Variants in AKNAD1 observed in about 807,000 individuals in gnomAD.
AKNAD1 encodes protein AKNAD1.
A neutral mutation model predicts 90.8 loss-of-function variants in AKNAD1; 67 were observed. The observed-to-expected ratio is 0.74, with a 90% CI of 0.61 to 0.90. The LOEUF is 0.90. Among genes scored for constraint, AKNAD1 ranks in the 40% least tolerant of loss-of-function variants. The pLI, the probability that AKNAD1 is intolerant of heterozygous loss-of-function variation, is 0.00. For missense variants in AKNAD1, 957 were observed against 975.4 expected (o/e 0.98, Z 0.25); for synonymous variants, 327 against 341.4 (o/e 0.96, Z 0.46).
chr1:108,846,293 G>A (rs770261924), intron 5 of AKNAD1, among the ~76,000 whole-genome samples: 13 of 152,020 alleles, frequency 8.6e-5, no homozygotes, highest in Non-Finnish European at 1.6e-4. Flanking sequence ...CGGTCAGCAG[G>A]GATCCTCACA....
chr1:108,817,655 C>T (rs1163968437), intron 14 of AKNAD1, among the ~76,000 whole-genome samples: 1 of 151,408 alleles, frequency 6.6e-6, no homozygotes, highest in Non-Finnish European at 1.5e-5. Context: ...GCGCCCGCCA[C>T]CACGCCCGGC....
intron 2 of AKNAD1, 70 bp from the exon 3 acceptor site, chr1:108,849,646 C>T (rs1664795877): frequency 8.9e-7 from 1 of 1,124,708 alleles, no homozygotes; most frequent in Non-Finnish European, 1.3e-6. Context: ...CAGAATGACC[C>T]AACATGTTCT....
chr1:108,832,211 C>CTTTT (rs35868464), intron 9 of AKNAD1, among the ~76,000 whole-genome samples: 48 of 91,670 alleles, frequency 5.2e-4, no homozygotes, highest in African/African-American at 1.2e-3. Flanking sequence ...ATGCTGTGTT[C>CTTTT]TTTTTTTTTT....
intron 5 of AKNAD1, among the ~76,000 whole-genome samples, chr1:108,848,496 G>A (rs560058148): frequency 6.6e-6 from 1 of 152,222 alleles, no homozygotes; most frequent in Admixed American, 6.5e-5. Flanking sequence ...CTCCCGTGGT[G>A]TCAGATTAAT....
At chr1:108,848,106 A>G (rs1277200) in intron 5 of AKNAD1, among the ~76,000 whole-genome samples, 136,105 of 152,156 alleles carry the variant, frequency 0.89, 60,977 homozygotes, top group South Asian at 0.93. Flanking sequence ...TTGTGCCTAC[A>G]TCAGAACTTC....
chr1:108,848,864 G>A (rs1149142), intron 4 of AKNAD1, 48 bp downstream of exon 4: 1,596,884 of 1,599,994 alleles, frequency 1, 796,939 homozygotes, highest in East Asian at 1. Flanking sequence ...TTTCTCATGT[G>A]TGAATTTGGT....
At chr1:108,820,333 T>C (rs1235582973) in intron 14 of AKNAD1, among the ~76,000 whole-genome samples, 1 of 152,228 alleles carries the variant, frequency 6.6e-6, no homozygotes, top group Non-Finnish European at 1.5e-5. Context: ...GTGGCTGACT[T>C]TGTCCTGTGT....
At chr1:108,854,903 CT>C (rs1312612028) in intron 1 of AKNAD1, among the ~76,000 whole-genome samples, 1 of 152,088 alleles carries the variant, frequency 6.6e-6, no homozygotes, top group African/African-American at 2.4e-5. Context: ...TCTCGGTTGC[CT>C]TTTCTGAGAA....
At chr1:108,856,538 A>AGG (rs1665046446) in intron 1 of AKNAD1, among the ~76,000 whole-genome samples, 1 of 146,528 alleles carries the variant, frequency 6.8e-6, no homozygotes, top group Non-Finnish European at 1.5e-5. Flanking sequence ...TGTCTCTACA[A>AGG]AGAAAAAAAA....
chr1:108,827,108 C>G (rs1165126958), intron 11 of AKNAD1, 97 bp downstream of exon 11: 4 of 818,294 alleles, frequency 4.9e-6, no homozygotes, highest in Non-Finnish European at 6.2e-6. Context: ...GGGAAATGCT[C>G]TTGGAGTGGC....
intron 13 of AKNAD1, among the ~76,000 whole-genome samples, chr1:108,822,416 C>A (rs1192598724): frequency 6.6e-6 from 1 of 152,204 alleles, no homozygotes; most frequent in Non-Finnish European, 1.5e-5. Flanking sequence ...TGACAAGTGT[C>A]ACAGGCTGTA....
intron 10 of AKNAD1, among the ~76,000 whole-genome samples, chr1:108,827,628 C>G (rs1040378223): frequency 5.3e-5 from 8 of 150,184 alleles, no homozygotes; most frequent in Non-Finnish European, 8.9e-5. Context: ...TCCTGGCTAA[C>G]ACGGTGAAAC....
At chr1:108,854,005 A>C (rs1335466385) in intron 1 of AKNAD1, among the ~76,000 whole-genome samples, 1 of 152,114 alleles carries the variant, frequency 6.6e-6, no homozygotes, top group Non-Finnish European at 1.5e-5. Context: ...GCCAGTCTGC[A>C]GCCAAATGTC....
chr1:108,818,305 C>A (rs928130157), intron 14 of AKNAD1, among the ~76,000 whole-genome samples: 2 of 152,142 alleles, frequency 1.3e-5, no homozygotes, highest in African/African-American at 4.8e-5. Flanking sequence ...ATCCTTTCAT[C>A]CCTCTCCCCT....
At chr1:108,840,989 G>A (rs113082056) in intron 6 of AKNAD1, among the ~76,000 whole-genome samples, 3 of 151,994 alleles carry the variant, frequency 2.0e-5, no homozygotes, top group African/African-American at 4.8e-5. Flanking sequence ...TGGCCAACCC[G>A]GTGAAACCCC....
Position 108,852,119 on chromosome 1 carries a change from A to G in AKNAD1, c.546T>C (p.Asn182=). The change falls in exon 2 of 16, where the codon AAT becomes AAC. Residue 182 remains asparagine, a synonymous_variant. Coordinates refer to ENST00000370001, the MANE Select transcript of AKNAD1 (RefSeq NM_152763.5). ...CTGTCGTGGTGGCAGAACCAGGCTT[A>G]TTGCTGTTTTCACCATCCCTTTTCG... ...LNPKRDGENS[N]KPGSATTTEE... 1 of 1,614,100 alleles carries G rather than the reference A, an allele frequency of 6.2e-7. No homozygotes were observed. The highest frequency in any genetic ancestry group is 8.5e-7 in the Non-Finnish European group (1 of 1,180,020).
chr1:108,851,823 G>C lies in AKNAD1; in HGVS notation c.842C>G (p.Ala281Gly). The change falls in exon 2 of 16, where the codon GCA becomes GGA. Residue 281 changes from alanine to glycine, a missense_variant. Ala to Gly is a moderately conservative substitution (Grantham distance 60, BLOSUM62 0). Transcript: ENST00000370001. Reference protein sequence around the residue: ...PKNKIINKPLAIAKQASFSSK... With the variant: ...PKNKIINKPLGIAKQASFSSK... ...AGAAAAGCTGGCTTGTTTAGCTATTGCAAGTGGTTTATTAATTATCTTATT... is the reference window on the plus strand; with the variant it reads ...AGAAAAGCTGGCTTGTTTAGCTATTCCAAGTGGTTTATTAATTATCTTATT... The C allele has an allele frequency of 6.2e-7, 1 of 1,614,042 alleles. No individual in the cohort carries two copies. The highest frequency in any genetic ancestry group is 8.5e-7 in the Non-Finnish European group (1 of 1,179,974).
Position 108,816,148 on chromosome 1 carries a change from A to G in AKNAD1, c.*23T>C. On this transcript the variant is annotated 3_prime_UTR_variant, in exon 16 of 16. Coordinates refer to ENST00000370001, the MANE Select transcript of AKNAD1 (RefSeq NM_152763.5). ...TTTTCTTTGCATTTTTTTCTTTTGA[A>G]TCCTTGGTAGCCTAGCGTTGAACTA... 1 of 1,552,002 alleles carries G rather than the reference A, an allele frequency of 6.4e-7. No homozygotes were observed. The highest frequency in any genetic ancestry group is 8.7e-7 in the Non-Finnish European group (1 of 1,153,516).
Position 108,823,578 on chromosome 1 carries a change from C to CT in AKNAD1, c.2046dup (p.Glu683ArgfsTer4). On this transcript the variant is annotated frameshift_variant, in exon 12 of 16. Transcript: ENST00000370001. LOFTEE classifies it high-confidence loss of function. ...AGGTGAGTGTTACCTTTAGTTGGTT[C>CT]TTTCCTGCAGGCTCTTCGGGAGGTA... The CT allele has an allele frequency of 6.2e-7, 1 of 1,614,162 alleles. No homozygotes were observed. Among genetic ancestry groups the CT allele is most frequent in the East Asian group, 2.2e-5 (1 of 44,884 alleles).
Sources: gnomAD v4.1 joint callset for allele counts (sites outside exome capture counted in the v4.1 genomes callset) on GRCh38, gnomAD v4.1.1 for gene constraint, MANE v1.5 for transcripts, NCBI Gene and HGNC (gene_info 2026-07-23, HGNC 2026-07-21) for gene names.